SYCP3: variants seen among roughly 807,000 people sequenced by gnomAD.
The protein encoded by SYCP3 is synaptonemal complex protein 3.
SYCP3 carries 29 observed loss-of-function variants against 38.5 expected under a neutral mutation model. That is an observed-to-expected ratio of 0.75 (90% CI 0.56 to 1.03). The LOEUF is 1.03. SYCP3 is among the 50% of genes least tolerant of loss of function. SYCP3 has a pLI of 0.00. For synonymous variants in SYCP3, 79 were observed against 80.3 expected (o/e 0.98, Z 0.08); for missense variants, 242 against 270.7 (o/e 0.89, Z 0.74).
rs145003954 is a variant in SYCP3, at chr12:101,731,674, TATAAA to T, written c.454-13_454-9del. 0.021 allele frequency: 33,385 copies of T among 1,574,740 alleles called. 3,282 individuals carry two copies. In the East Asian group the frequency reaches 0.32, roughly 15 times the overall value. On this transcript the variant is annotated splice_polypyrimidine_tract_variant and intron_variant, in intron 6 of 8. Coordinates refer to ENST00000392924, the MANE Select transcript of SYCP3 (RefSeq NM_001177949.2). The stretch of plus-strand genomic sequence containing the variant: ...TTGCTGTCGAAACATATTCTACAAA[TATAAA>T]AGAAAAAAAACTGTGTAATAACAAT...
chr12:101,735,826 A>C (rs1020229467), intron 4 of SYCP3, among the ~76,000 whole-genome samples: 1 of 139,840 alleles, frequency 7.2e-6, no homozygotes, highest in Non-Finnish European at 1.5e-5. Context: ...GTTAAAGAAG[A>C]AAACTATTTT....
At chr12:101,737,554 T>A (rs1952501958) in intron 2 of SYCP3, 1 of 649,808 alleles carries the variant, frequency 1.5e-6, no homozygotes, top group African/African-American at 1.8e-5. Context: ...ATATCAGATA[T>A]TTTGGAAATA....
At chr12:101,739,185 C>CCCCCG in intron 1 of SYCP3, 166 bp downstream of exon 1, 3 of 868,784 alleles carry the variant, frequency 3.5e-6, no homozygotes, top group Non-Finnish European at 4.1e-6. Flanking sequence ...AGCCCGCCCG[C>CCCCCG]TTTCCACTAG....
At chr12:101,739,185 CTTT>C in intron 1 of SYCP3, 163 bp downstream of exon 1, 2 of 868,774 alleles carry the variant, frequency 2.3e-6, no homozygotes, top group Non-Finnish European at 2.8e-6. Context: ...AGCCCGCCCG[CTTT>C]CCACTAGGCC....
chr12:101,729,349 G>A, intron 7 of SYCP3, 136 bp from the exon 8 acceptor site: 1 of 873,602 alleles, frequency 1.1e-6, no homozygotes, highest in East Asian at 2.7e-5. Context: ...AATATTCTAA[G>A]TAATACATGA....
At chr12:101,729,240 T>C (rs1268124124) in intron 7 of SYCP3, 27 bp from the exon 8 acceptor site, 1 of 1,606,224 alleles carries the variant, frequency 6.2e-7, no homozygotes, top group Non-Finnish European at 8.5e-7. Flanking sequence ...CAAGTTAAGT[T>C]ACAAAGGACC....
intron 4 of SYCP3, among the ~76,000 whole-genome samples, chr12:101,735,871 A>ATATATATATATATATCTATATTTTTTTTT: frequency 1.3e-5 from 1 of 74,790 alleles, no homozygotes; most frequent in Non-Finnish European, 2.5e-5. Context: ...ATATATATAT[A>ATATATATATATATATCTATATTTTTTTTT]TTTTTTTTTT....
intron 7 of SYCP3, among the ~76,000 whole-genome samples, chr12:101,730,079 C>CA (rs964051070): frequency 1.3e-5 from 2 of 151,936 alleles, no homozygotes; most frequent in Non-Finnish European, 2.9e-5. Context: ...AGGCTACTGA[C>CA]AGTTTTTCAA....
Position 101,734,933 on chromosome 12 carries a change from T to A in SYCP3, c.347A>T (p.Asp116Val). The A allele has an allele frequency of 6.2e-7, 1 of 1,605,948 alleles. No homozygotes were observed. The highest frequency in any genetic ancestry group is 8.5e-7 in the Non-Finnish European group (1 of 1,172,664). Residue 116 changes from aspartate (D) to valine (V), a missense_variant, in exon 5 of 9, where the codon GAT (aspartate) becomes GTT (valine). Asp to Val is a radical substitution (Grantham distance 152, BLOSUM62 -3). Coordinates refer to ENST00000392924, the MANE Select transcript of SYCP3 (RefSeq NM_001177949.2). ...KIEHVWKTQQ[D>V]QRQKLNQEYS... The stretch of plus-strand genomic sequence containing the variant: ...AAAAAAGCAACCACCTTACCTTTGA[T>A]CTTGTTGTGTTTTCCAAACATGTTC...
chr12:101,733,045 A>G (rs1362185682), intron 6 of SYCP3: 1 of 155,200 alleles, frequency 6.4e-6, no homozygotes, highest in African/African-American at 2.5e-5. Context: ...GGCTAACTAT[A>G]CAATGATTGG....
rs11306325 is a variant in SYCP3, at chr12:101,737,312, T to TAAAAAAAAA, written c.134-23_134-15dup. The TAAAAAAAAA allele has an allele frequency of 7.6e-7, 1 of 1,310,994 alleles. No individual in the cohort carries two copies. Among genetic ancestry groups the TAAAAAAAAA allele is most frequent in the Non-Finnish European group, 1.0e-6 (1 of 965,358 alleles). The allele number at this position is 1,310,994 out of a possible 1,614,324, so 81.2% of individuals were successfully genotyped here. A position where few individuals can be genotyped will look rare whatever the true frequency, so the allele number is the denominator to read the frequency against. ...CTGCAGTCTTCCCTGTATTGACAAT[T>TAAAAAAAAA]AAAAAAAAAAAAAAAAAGCTTTTGA... On this transcript the variant is annotated splice_polypyrimidine_tract_variant and intron_variant, in intron 2 of 8. Transcript: ENST00000392924.
chr12:101,733,468 G>T, intron 6 of SYCP3, 107 bp downstream of exon 6: 1 of 972,578 alleles, frequency 1.0e-6, no homozygotes, highest in Non-Finnish European at 1.6e-6. Flanking sequence ...CACATGGCCA[G>T]CAATGGTTAA....
intron 7 of SYCP3, among the ~76,000 whole-genome samples, chr12:101,729,797 T>C (rs1952103940): frequency 6.6e-6 from 1 of 152,098 alleles, no homozygotes; most frequent in African/African-American, 2.4e-5. Context: ...AATTTTATAA[T>C]AGGAATGGAA....
At chr12:101,729,319 G>A (rs868278036) in intron 7 of SYCP3, 106 bp from the exon 8 acceptor site, 2 of 1,093,982 alleles carry the variant, frequency 1.8e-6, no homozygotes, top group Admixed American at 2.5e-5. Flanking sequence ...ATATTCAAAT[G>A]CTCATCTATT....
At chr12:101,730,120 A>G (rs1952119092) in intron 7 of SYCP3, among the ~76,000 whole-genome samples, 1 of 152,158 alleles carries the variant, frequency 6.6e-6, no homozygotes, top group African/African-American at 2.4e-5. Flanking sequence ...AAAAGATAAT[A>G]TGGCAGATCT....
At position 101,731,639 on chromosome 12, in the gene SYCP3, G is replaced by A; in HGVS notation, c.481C>T (p.Leu161Phe). 1 of 1,602,628 alleles carries A rather than the reference G, an allele frequency of 6.2e-7. No homozygotes were observed. Among genetic ancestry groups the A allele is most frequent in the Non-Finnish European group, 8.5e-7 (1 of 1,177,286 alleles). ...LNMFRQQQKI[L>F]QQSRIVQSQR... ...CTCTGAACAATTCTAGATTGTTGAA[G>A]AATCTTTTGTTGCTGTCGAAACATA... Residue 161 changes from leucine to phenylalanine, a missense_variant, in exon 7 of 9, where the codon CTT becomes TTT. Leu to Phe is a conservative substitution (Grantham distance 22, BLOSUM62 0). Coordinates refer to ENST00000392924, the MANE Select transcript of SYCP3 (RefSeq NM_001177949.2).
In SYCP3 at chr12:101,731,865, G is replaced by C; in HGVS notation, c.454-199C>G. 7.4e-6 allele frequency: 3 copies of C among 406,710 alleles called. No individual in the cohort carries two copies. The South Asian group carries it at 1.2e-4, about 16-fold the overall frequency. The allele number at this position is 406,710 out of a possible 1,614,324, so 25.2% of individuals were successfully genotyped here. On this transcript the variant is annotated intron_variant, in intron 6 of 8. Coordinates refer to ENST00000392924, the MANE Select transcript of SYCP3 (RefSeq NM_001177949.2). ...CAATATATTAATTCTACCAGTTGCT[G>C]AATGGGAAATTTTAACAATAATCAA...
chr12:101,739,327 G>C (rs954085340), intron 1 of SYCP3, 24 bp downstream of exon 1: 23 of 1,002,692 alleles, frequency 2.3e-5, no homozygotes, highest in Non-Finnish European at 2.6e-5. Flanking sequence ...ACCTGCGATA[G>C]ACAGACGCCT....
In SYCP3 at chr12:101,737,854, CAA is replaced by C; in HGVS notation, c.80_81del (p.Phe27Ter). The C allele has an allele frequency of 6.2e-7, 1 of 1,614,198 alleles. No individual in the cohort carries two copies. The highest frequency in any genetic ancestry group is 8.5e-7 in the Non-Finnish European group (1 of 1,180,034). On this transcript the variant is annotated frameshift_variant, in exon 2 of 9. Coordinates refer to ENST00000392924, the MANE Select transcript of SYCP3 (RefSeq NM_001177949.2). LOFTEE classifies it high-confidence loss of function. ...VEDQFTRAYD[F>X]ETEDKKDLSG... ...CTCAGATCTTTCTTATCTTCAGTCTCAAAGTCATAGGCTCTCGTAAACTGATC... is the reference window on the plus strand; with the variant it reads ...CTCAGATCTTTCTTATCTTCAGTCTCAGTCATAGGCTCTCGTAAACTGATC...
Sources: allele counts gnomAD v4.1 joint callset (sites outside exome capture counted in the v4.1 genomes callset), GRCh38; gene constraint gnomAD v4.1.1; transcripts MANE v1.5; gene names NCBI Gene and HGNC (gene_info 2026-07-23, HGNC 2026-07-21).